The following ZDHHC15 variants were observed in gnomAD, a reference collection of about 807,000 sequenced individuals.
The protein encoded by ZDHHC15 is palmitoyltransferase ZDHHC15.
In ZDHHC15, 19 loss-of-function variants were observed where a neutral mutation model predicts 31.7. The observed-to-expected ratio is 0.60, with a 90% CI of 0.42 to 0.88. ZDHHC15 has a LOEUF of 0.88. ZDHHC15 is among the 40% of genes least tolerant of loss of function. The pLI is 0.00. For missense variants in ZDHHC15, 209 were observed against 251.2 expected (o/e 0.83, Z 1.14); for synonymous variants, 103 against 90.0 (o/e 1.14, Z -0.82).
At chrX:75,487,715 T>C (rs2084800525) in intron 2 of ZDHHC15, among the ~76,000 whole-genome samples, 1 of 111,729 alleles carries the variant, frequency 9.0e-6, no homozygotes, top group Non-Finnish European at 1.9e-5. Context: ...ATTCAGAAGG[T>C]TGATTATTAA....
At chrX:75,463,575 T>TACAACAACA (rs55847003) in intron 3 of ZDHHC15, among the ~76,000 whole-genome samples, 4,594 of 100,676 alleles carry the variant, frequency 0.046, 102 homozygotes, top group African/African-American at 0.066. Context: ...AACTCAAATT[T>TACAACAACA]ACAACAACAA....
At chrX:75,467,927 C>T (rs892099675) in intron 3 of ZDHHC15, among the ~76,000 whole-genome samples, 6 of 111,676 alleles carry the variant, frequency 5.4e-5, no homozygotes, top group Non-Finnish European at 1.1e-4. Flanking sequence ...ATCCCCAGAG[C>T]CTGGGAACTA....
At chrX:75,509,070 G>C (rs1173393742) in intron 1 of ZDHHC15, among the ~76,000 whole-genome samples, 2 of 111,014 alleles carry the variant, frequency 1.8e-5, no homozygotes, top group Non-Finnish European at 3.8e-5. Flanking sequence ...AAAAACCCTA[G>C]AATAAAACCT....
intron 4 of ZDHHC15, among the ~76,000 whole-genome samples, chrX:75,437,532 C>T (rs867165099): frequency 5.9e-4 from 55 of 92,592 alleles, no homozygotes; most frequent in African/African-American, 2.0e-3. Context: ...TGAGAATATG[C>T]GGTGTTTGGT....
intron 3 of ZDHHC15, among the ~76,000 whole-genome samples, chrX:75,465,339 A>T (rs1031119142): frequency 8.9e-6 from 1 of 112,353 alleles, no homozygotes; most frequent in Non-Finnish European, 1.9e-5. Context: ...TTCCATGCTC[A>T]TGAGATAGGA....
At chrX:75,398,544 G>A (rs762824226) in intron 10 of ZDHHC15, among the ~76,000 whole-genome samples, 19 of 112,674 alleles carry the variant, frequency 1.7e-4, no homozygotes, top group Non-Finnish European at 3.4e-4. Context: ...GGTGTCTGAG[G>A]TGACCAGGGT....
chrX:75,412,246 A>G (rs999863972), intron 10 of ZDHHC15, among the ~76,000 whole-genome samples: 1 of 111,404 alleles, frequency 9.0e-6, no homozygotes, highest in African/African-American at 3.3e-5. Context: ...TAGAACTACT[A>G]TATGATCTGG....
chrX:75,387,251 A>C (rs1190938269), intron 10 of ZDHHC15, among the ~76,000 whole-genome samples: 1 of 112,402 alleles, frequency 8.9e-6, no homozygotes. Context: ...TAATTCTTCA[A>C]TGCAAAAACA....
At chrX:75,482,648 A>C (rs1474429576) in intron 2 of ZDHHC15, among the ~76,000 whole-genome samples, 2 of 111,800 alleles carry the variant, frequency 1.8e-5, no homozygotes, top group Non-Finnish European at 3.8e-5. Flanking sequence ...GCAGGGCTTC[A>C]TATTAGTTGT....
At chrX:75,518,828 C>T (rs1236672036) in intron 1 of ZDHHC15, among the ~76,000 whole-genome samples, 2 of 93,785 alleles carry the variant, frequency 2.1e-5, no homozygotes, top group African/African-American at 7.8e-5. Context: ...CACACACACA[C>T]ACACACACAC....
At chrX:75,521,221 T>C in intron 1 of ZDHHC15, among the ~76,000 whole-genome samples, 1 of 110,600 alleles carries the variant, frequency 9.0e-6, no homozygotes, top group Non-Finnish European at 1.9e-5. Context: ...GGGAACATTG[T>C]AGGCCACAAG....
intron 1 of ZDHHC15, among the ~76,000 whole-genome samples, chrX:75,510,375 G>A: frequency 9.1e-6 from 1 of 109,431 alleles, no homozygotes; most frequent in East Asian, 2.9e-4. Context: ...TCATATGAAT[G>A]ACATAAAACT....
chrX:75,495,951 A>T (rs758408566), intron 2 of ZDHHC15, among the ~76,000 whole-genome samples: 24 of 110,406 alleles, frequency 2.2e-4, no homozygotes, highest in Non-Finnish European at 4.5e-4. Flanking sequence ...AAAAAGAAAA[A>T]CAAGGTATTC....
At chrX:75,399,879 AC>A (rs889609992) in intron 10 of ZDHHC15, among the ~76,000 whole-genome samples, 1 of 111,237 alleles carries the variant, frequency 9.0e-6, no homozygotes, top group Admixed American at 9.6e-5. Flanking sequence ...CACTAAAATA[AC>A]CCCCTCTGAT....
intron 10 of ZDHHC15, among the ~76,000 whole-genome samples, chrX:75,391,213 C>T (rs1399634392): frequency 9.0e-6 from 1 of 111,606 alleles, no homozygotes; most frequent in Non-Finnish European, 1.9e-5. Context: ...AAAGCACACT[C>T]ACAAGATCTA....
intron 3 of ZDHHC15, among the ~76,000 whole-genome samples, chrX:75,459,971 G>T (rs760567341): frequency 8.9e-6 from 1 of 111,903 alleles, no homozygotes. Context: ...TGCCTCCCAG[G>T]TTCAAGCGAT....
chrX:75,422,636 T>G (rs1569321391), intron 8 of ZDHHC15, among the ~76,000 whole-genome samples: 2 of 110,987 alleles, frequency 1.8e-5, no homozygotes, highest in Non-Finnish European at 3.8e-5. Flanking sequence ...TCTAGCTGCA[T>G]CTGACTGTTT....
intron 1 of ZDHHC15, among the ~76,000 whole-genome samples, chrX:75,522,579 G>A (rs2085457755): frequency 9.0e-6 from 1 of 111,187 alleles, no homozygotes; most frequent in South Asian, 3.8e-4. Flanking sequence ...CAGAAGGAGA[G>A]CACAAGGTGC....
At chrX:75,501,471 C>G (rs1280452867) in intron 2 of ZDHHC15, 1 of 110,680 alleles carries the variant, frequency 9.0e-6, no homozygotes, top group Non-Finnish European at 1.9e-5. Context: ...AATATACACC[C>G]AGTAATGGGA....
Sources: allele counts gnomAD v4.1 joint callset (sites outside exome capture counted in the v4.1 genomes callset), GRCh38; gene constraint gnomAD v4.1.1; transcripts MANE v1.5; gene names NCBI Gene and HGNC (gene_info 2026-07-23, HGNC 2026-07-21).